Variants in ABCC1 observed in about 807,000 individuals in gnomAD.
The protein encoded by ABCC1 is multidrug resistance-associated protein 1.
A neutral mutation model predicts 172.9 loss-of-function variants in ABCC1; 83 were observed. The observed-to-expected ratio is 0.48, with a 90% confidence interval of 0.40 to 0.58. The LOEUF is 0.58. Ranked by LOEUF, ABCC1 falls within the 20% of genes least tolerant of loss-of-function variation. ABCC1 has a pLI of 0.00. For synonymous variants in ABCC1, 937 were observed against 825.2 expected, an observed-to-expected ratio of 1.14 and a Z score of -2.32; for missense variants, 1,817 against 2,002.7, an observed-to-expected ratio of 0.91 and a Z score of 1.77.
chr16:16,042,326 T>C (rs1467458222), intron 7 of ABCC1, among the ~76,000 whole-genome samples: 1 of 152,026 alleles, frequency 6.6e-6, no homozygotes, highest in Non-Finnish European at 1.5e-5. Context: ...AAACTGGAGG[T>C]AAGCCAGACA....
intron 20 of ABCC1, among the ~76,000 whole-genome samples, chr16:16,104,341 G>T (rs762044852): frequency 6.6e-6 from 1 of 152,118 alleles, no homozygotes; most frequent in Non-Finnish European, 1.5e-5. Context: ...ACAGAGTGTT[G>T]ATTGGTCCGT....
At chr16:16,007,726 A>G in intron 1 of ABCC1, 90 bp from the exon 2 acceptor site, 1 of 1,340,062 alleles carries the variant, frequency 7.5e-7, no homozygotes, top group Non-Finnish European at 1.0e-6. Flanking sequence ...TGTTTCTTCA[A>G]ACCCCGTGGC....
chr16:15,962,696 G>T (rs2046161424), intron 1 of ABCC1, among the ~76,000 whole-genome samples: 1 of 152,190 alleles, frequency 6.6e-6, no homozygotes, highest in African/African-American at 2.4e-5. Flanking sequence ...CAGATCTTCT[G>T]AGGACTCACT....
At chr16:16,083,630 G>C in intron 17 of ABCC1, 88 bp downstream of exon 17, 1 of 1,504,284 alleles carries the variant, frequency 6.6e-7, no homozygotes, top group Non-Finnish European at 9.1e-7. Flanking sequence ...CTGTGAGTCT[G>C]CTGCTATCAG....
At chr16:16,131,026 C>T (rs940460854) in intron 26 of ABCC1, among the ~76,000 whole-genome samples, 1 of 152,062 alleles carries the variant, frequency 6.6e-6, no homozygotes, top group Non-Finnish European at 1.5e-5. Context: ...GAGGCTGAGG[C>T]AGGAGAGTCG....
At chr16:16,082,345 G>A (rs577359836) in intron 16 of ABCC1, among the ~76,000 whole-genome samples, 1 of 152,282 alleles carries the variant, frequency 6.6e-6, no homozygotes, top group Non-Finnish European at 1.5e-5. Flanking sequence ...CACTTCAGGA[G>A]GCCAAGGCAG....
chr16:16,085,031 T>A lies in ABCC1; in HGVS notation c.2292+1489T>A, dbSNP rs368522859. Among the ~76,000 whole-genome samples the A allele has an allele frequency of 1.4e-4, 22 of 152,236 alleles. No homozygotes were observed. In the South Asian group the frequency reaches 4.4e-3, roughly 30 times the overall value. ...TTTGTTGTTATACCTAGGTAATCAT[T>A]GAGGAAAAAGGAGGCACAGAGAGGC... On this transcript the variant is annotated intron_variant, in intron 17 of 30. Coordinates refer to ENST00000399410, the MANE Select transcript of ABCC1 (RefSeq NM_004996.4).
At chr16:15,996,244 A>G (rs2047052594) in intron 1 of ABCC1, among the ~76,000 whole-genome samples, 1 of 151,982 alleles carries the variant, frequency 6.6e-6, no homozygotes. Context: ...CAGCCTCCCA[A>G]AGTGCTGGGA....
intron 1 of ABCC1, among the ~76,000 whole-genome samples, chr16:15,978,055 G>C (rs551135217): frequency 6.6e-6 from 1 of 152,150 alleles, no homozygotes; most frequent in African/African-American, 2.4e-5. Context: ...TATAAGTCTC[G>C]TCTTCACAAT....
chr16:16,073,165 A>G (rs1400211191), intron 14 of ABCC1, among the ~76,000 whole-genome samples: 1 of 152,038 alleles, frequency 6.6e-6, no homozygotes, highest in Non-Finnish European at 1.5e-5. Context: ...CTTGTCCATT[A>G]CTCACCATGG....
chr16:16,053,251 T>C (rs1265127531), intron 11 of ABCC1, among the ~76,000 whole-genome samples: 2 of 152,110 alleles, frequency 1.3e-5, no homozygotes, highest in African/African-American at 4.8e-5. Flanking sequence ...GCTCTTACCT[T>C]ATAGGATACA....
chr16:16,006,827 A>G (rs2047547637), intron 1 of ABCC1, among the ~76,000 whole-genome samples: 1 of 112,020 alleles, frequency 8.9e-6, no homozygotes. Context: ...ACAGAACTGC[A>G]GTTTGGTTGT....
In ABCC1 at chr16:16,090,541, T is replaced by C. The variant is rs748907288; in HGVS notation, c.2597T>C (p.Leu866Pro). 1.9e-6 allele frequency: 3 copies of C among 1,613,552 alleles called. No individual in the cohort carries two copies. The highest frequency in any genetic ancestry group is 2.5e-6 in the Non-Finnish European group (3 of 1,179,752). The change falls in exon 19 of 31, where the codon CTG becomes CCG. Residue 866 changes from leucine to proline, a missense_variant. Transcript: ENST00000399410. Reference protein sequence around the residue: ...LARDGAFAEFLRTYASTEQEQ... With the variant: ...LARDGAFAEFPRTYASTEQEQ... ...CGAGACGGCGCCTTCGCTGAGTTCC[T>C]GCGTACCTATGCCAGCACAGAGCAG...
At chr16:16,088,716 T>C (rs2051117860) in intron 18 of ABCC1, among the ~76,000 whole-genome samples, 1 of 147,940 alleles carries the variant, frequency 6.8e-6, no homozygotes, top group Admixed American at 6.6e-5. Context: ...TTTTTTTTCT[T>C]TTTTTTTCTG....
chr16:16,125,792 T>C lies in ABCC1; in HGVS notation c.3718-18T>C. On this transcript the variant is annotated intron_variant, in intron 25 of 30. Coordinates refer to ENST00000399410, the MANE Select transcript of ABCC1 (RefSeq NM_004996.4). ...GCCCGCTTACTCTAGAAATGCCACGTGACTCTTCCACTCACAGGTCACCAC... is the reference window on the plus strand; with the variant it reads ...GCCCGCTTACTCTAGAAATGCCACGCGACTCTTCCACTCACAGGTCACCAC... 1 of 1,592,366 alleles carries C rather than the reference T, an allele frequency of 6.3e-7. No individual in the cohort carries two copies. The highest frequency in any genetic ancestry group is 1.1e-5 in the South Asian group (1 of 89,568).
rs532539985 is a variant in ABCC1, at chr16:16,093,548, T to C, written c.2644+2960T>C. Among the ~76,000 whole-genome samples the C allele has an allele frequency of 3.3e-5, 5 of 152,296 alleles. No individual in the cohort carries two copies. In the South Asian group the frequency reaches 6.2e-4, roughly 19 times the overall value. ...GTTCATTTTCCCAGTTTGACCTCCC[T>C]ACCTCCTGCCTTTGAGGTTACATAG... On this transcript the variant is annotated intron_variant, in intron 19 of 30. Transcript: ENST00000399410.
chr16:16,105,658 G>T (rs946180577), intron 20 of ABCC1, among the ~76,000 whole-genome samples: 24 of 151,860 alleles, frequency 1.6e-4, no homozygotes, highest in African/African-American at 5.3e-4. Flanking sequence ...AATTTCCACG[G>T]CAGTGAGCCG....
intron 7 of ABCC1, among the ~76,000 whole-genome samples, chr16:16,038,881 G>A (rs1315210525): frequency 1.3e-5 from 2 of 152,192 alleles, no homozygotes; most frequent in African/African-American, 4.8e-5. Context: ...TGTCAGGAGA[G>A]CAGGTTGCTG....
chr16:15,959,698 C>G (rs149395116), intron 1 of ABCC1, among the ~76,000 whole-genome samples: 2 of 152,152 alleles, frequency 1.3e-5, no homozygotes, highest in South Asian at 2.1e-4. Flanking sequence ...GAGAAGTGGA[C>G]GATTACAAAG....
Sources: allele counts gnomAD v4.1 joint callset (sites outside exome capture counted in the v4.1 genomes callset), GRCh38; gene constraint gnomAD v4.1.1; transcripts MANE v1.5; gene names NCBI Gene and HGNC (gene_info 2026-07-23, HGNC 2026-07-21).